Variants in OR6A2 observed in about 807,000 individuals in gnomAD.
OR6A2 encodes the protein olfactory receptor family 6 subfamily A member 2, also known as olfactory receptor 6A2.
In OR6A2, 6 loss-of-function variants were observed where a neutral mutation model predicts 7.1. The ratio of observed to expected loss-of-function variants is 0.85; its 90% CI spans 0.46 to 1.68. The LOEUF (loss-of-function observed/expected upper bound fraction) is 1.68. Ranked by LOEUF, OR6A2 falls within the 40% of genes most tolerant of loss-of-function variation. OR6A2 has a pLI of 0.01. For synonymous variants in OR6A2, 162 were observed against 152.1 expected (o/e 1.06, Z -0.48); for missense variants, 431 against 398.0 (o/e 1.08, Z -0.71).
Position 6,791,886 on chromosome 11 carries a change from C to T in OR6A2, c.*2839G>A, listed in dbSNP as rs775734699. On this transcript the variant is annotated 3_prime_UTR_variant, in exon 2 of 2. Coordinates refer to ENST00000641196, the MANE Select transcript of OR6A2 (RefSeq NM_003696.3). Reference sequence around the variant, plus strand: ...TTCTAATATATTCATCCTTCATTAGCATACATACTTGTCAAAATAAGAAAC... The same window carrying T: ...TTCTAATATATTCATCCTTCATTAGTATACATACTTGTCAAAATAAGAAAC... The T allele has an allele frequency of 9.2e-5, 14 of 152,188 alleles. No homozygotes were observed. Among genetic ancestry groups the T allele is most frequent in the Non-Finnish European group, 2.1e-4 (14 of 68,034 alleles). 9.4% of individuals were successfully genotyped at this position (152,188 alleles called of 1,614,324 possible). A position where few individuals can be genotyped will look rare whatever the true frequency, so the allele number is the denominator to read the frequency against.
intron 1 of OR6A2, among the ~76,000 whole-genome samples, chr11:6,796,368 A>C (rs1847749437): frequency 1.3e-5 from 2 of 152,180 alleles, no homozygotes; most frequent in African/African-American, 4.8e-5. Flanking sequence ...TGGAGCTTCC[A>C]AAATATTTAG....
intron 1 of OR6A2, 24 bp from the exon 2 acceptor site, chr11:6,795,908 A>AT: frequency 6.5e-5 from 34 of 520,644 alleles, no homozygotes; most frequent in South Asian, 6.1e-5. Context: ...ACAAAAATAA[A>AT]TGTTTTTTTT....
rs887410454 is a variant in OR6A2 at position 6,792,481 on chromosome 11, G to A, written c.*2244C>T. ...GTTGTTAGTTGCCTCTGGCCACTCTGAATAACCCGGGTAGATCCAGTACTC... is the reference window on the plus strand; with the variant it reads ...GTTGTTAGTTGCCTCTGGCCACTCTAAATAACCCGGGTAGATCCAGTACTC... On this transcript the variant is annotated 3_prime_UTR_variant, in exon 2 of 2. Transcript: ENST00000641196. The A allele has an allele frequency of 2.6e-5, 4 of 152,136 alleles. No homozygotes were observed. The highest frequency in any genetic ancestry group is 9.7e-5 in the African/African-American group (4 of 41,434). 9.4% of individuals were successfully genotyped at this position (152,136 alleles called of 1,614,324 possible).
intron 1 of OR6A2, 99 bp from the exon 2 acceptor site, chr11:6,795,983 T>G: frequency 3.0e-6 from 1 of 330,860 alleles, no homozygotes; most frequent in South Asian, 8.0e-5. Context: ...TGAGATGCAC[T>G]GGGGAAAAAT....
chr11:6,799,309 A>G (rs1847777922), intron 1 of OR6A2, among the ~76,000 whole-genome samples: 1 of 152,172 alleles, frequency 6.6e-6, no homozygotes, highest in Non-Finnish European at 1.5e-5. Context: ...AAAATACTGT[A>G]GGGAGAACAG....
intron 1 of OR6A2, among the ~76,000 whole-genome samples, chr11:6,797,113 G>C (rs1180337916): frequency 6.6e-6 from 1 of 152,144 alleles, no homozygotes; most frequent in Non-Finnish European, 1.5e-5. Flanking sequence ...TTGAGCCCTT[G>C]AATTTCTCTT....
Position 6,795,471 on chromosome 11 carries a change from G to A in OR6A2, c.238C>T (p.Pro80Ser). 1.9e-6 allele frequency: 3 copies of A among 1,614,160 alleles called. No individual in the cohort carries two copies. Among genetic ancestry groups the A allele is most frequent in the Non-Finnish European group, 2.5e-6 (3 of 1,180,002 alleles). Residue 80 changes from proline to serine, a missense_variant, in exon 2 of 2, where the codon CCC (proline) becomes TCC (serine). Pro to Ser is a moderately conservative substitution (Grantham distance 74). Transcript: ENST00000641196. ...CCAACAAAGCCAGCAAGCATCTTGG[G>A]AATAGTGACAGTGACATACCAGATC... is the stretch of plus-strand genomic sequence containing the variant. ...LEIWYVTVTI[P>S]KMLAGFVGSK...
chr11:6,795,019 C>G lies in OR6A2; in HGVS notation c.690G>C (p.Val230=). ...GTCCAGCAGCCGAAGGAATGTGCAT[C>G]ACAGCACCAGTAATGGCCACATAGG... The part of the protein sequence containing the change: ...GASYVAITGA[V]MHIPSAAGRY... The change falls in exon 2 of 2, where the codon GTG becomes GTC. Residue 230 remains valine (V), a synonymous_variant. Transcript: ENST00000641196. 3.1e-6 allele frequency: 5 copies of G among 1,614,122 alleles called. No individual in the cohort carries two copies. Among genetic ancestry groups the G allele is most frequent in the East Asian group, 2.2e-5 (1 of 44,884 alleles).
rs1847720878 is a variant in OR6A2 at position 6,794,307 on chromosome 11, T to C, written c.*418A>G. On this transcript the variant is annotated 3_prime_UTR_variant, in exon 2 of 2. Coordinates refer to ENST00000641196, the MANE Select transcript of OR6A2 (RefSeq NM_003696.3). ...CCATTATGTTTTGATAGGTGATATG[T>C]TCCCAAAACAAAAATTCCTAGTTTC... 1 of 168,108 alleles carries C rather than the reference T, an allele frequency of 5.9e-6. No homozygotes were observed. The highest frequency in any genetic ancestry group is 5.5e-5 in the Admixed American group (1 of 18,180). The allele number at this position is 168,108 out of a possible 1,614,324, so 10.4% of individuals were successfully genotyped here.
rs761490014 is a variant in OR6A2 at position 6,794,945 on chromosome 11, A to T, written c.764T>A (p.Ile255Asn). The T allele has an allele frequency of 1.9e-6, 3 of 1,614,026 alleles. No homozygotes were observed. Among genetic ancestry groups the T allele is most frequent in the East Asian group, 2.2e-5 (1 of 44,884 alleles). The stretch of plus-strand genomic sequence containing the variant: ...GATGAAGATACTGGCTGCATAGAAG[A>T]TTATCACAACAGTGAGATGAGAGGC... ...TCASHLTVVI[I>N]FYAASIFIYA... Residue 255 changes from isoleucine (I) to asparagine (N), a missense_variant, in exon 2 of 2, where the codon ATC becomes AAC. By Grantham distance (149) the Ile-to-Asn change is moderately radical (BLOSUM62 -3). Coordinates refer to ENST00000641196, the MANE Select transcript of OR6A2 (RefSeq NM_003696.3).
At position 6,795,286 on chromosome 11, in the gene OR6A2, G is replaced by C; in HGVS notation, c.423C>G (p.Val141=). 1 of 1,614,032 alleles carries C rather than the reference G, an allele frequency of 6.2e-7. No homozygotes were observed. The highest frequency in any genetic ancestry group is 8.5e-7 in the Non-Finnish European group (1 of 1,180,004). Reference sequence around the variant, plus strand: ...CCATCTGCACACACAGCCGGCCACTGACAATGACTGGGTAGTGGAGAGGAT... The same window carrying C: ...CCATCTGCACACACAGCCGGCCACTCACAATGACTGGGTAGTGGAGAGGAT... ...ICYPLHYPVI[V]SGRLCVQMAA... The change falls in exon 2 of 2, where the codon GTC becomes GTG. Residue 141 remains valine (V), a synonymous_variant. Transcript: ENST00000641196.
rs76708942 is a variant in OR6A2, at chr11:6,793,359, G to T, written c.*1366C>A. ...AATAAAGTTAGATCCCACATCTTGA[G>T]CAACAGTTGGATCCATATCTGGAGA... On this transcript the variant is annotated 3_prime_UTR_variant, in exon 2 of 2. Transcript: ENST00000641196. 2.3e-3 allele frequency: 344 copies of T among 152,274 alleles called. 2 individuals carry two copies. Among genetic ancestry groups the T allele is most frequent in the African/African-American group, 7.7e-3 (318 of 41,564 alleles). 9.4% of individuals were successfully genotyped at this position (152,274 alleles called of 1,614,324 possible).
At position 6,795,612 on chromosome 11, in the gene OR6A2, G is replaced by C. The variant is rs1230772513; in HGVS notation, c.97C>G (p.Leu33Val). 2 of 1,614,048 alleles carry C rather than the reference G, an allele frequency of 1.2e-6. No individual in the cohort carries two copies. The highest frequency in any genetic ancestry group is 2.2e-5 in the South Asian group (2 of 91,062). Residue 33 changes from leucine to valine, a missense_variant, in exon 2 of 2, where the codon CTG becomes GTG. Coordinates refer to ENST00000641196, the MANE Select transcript of OR6A2 (RefSeq NM_003696.3). Reference sequence around the variant, plus strand: ...GTCAGCACCAACACATAGGCCAGCAGCAAAAGGGCAAACAATAGTACCTGT... The same window carrying C: ...GTCAGCACCAACACATAGGCCAGCACCAAAAGGGCAAACAATAGTACCTGT... ...PLQVLLFALL[L>V]LAYVLVLTEN...
In OR6A2 at chr11:6,794,734, T is replaced by A. The variant is rs1443306300; in HGVS notation, c.975A>T (p.Arg325Ser). 3 of 1,613,696 alleles carry A rather than the reference T, an allele frequency of 1.9e-6. No homozygotes were observed. Among genetic ancestry groups the A allele is most frequent in the Non-Finnish European group, 2.5e-6 (3 of 1,179,754 alleles). The change falls in exon 2 of 2, where the codon AGA becomes AGT. Residue 325 changes from arginine to serine, a missense_variant. Physicochemically the swap from Arg to Ser is moderately radical, Grantham distance 110. Transcript: ENST00000641196. Reference sequence around the variant, plus strand: ...ATTTCACACATCCCTTCTATACATTTCTGCTAGCTTTCTTGGGGTCAGGAT... The same window carrying A: ...ATTTCACACATCCCTTCTATACATTACTGCTAGCTTTCTTGGGGTCAGGAT... ...HQDPDPKKAS[R>S]NV
rs763732115 is a variant in OR6A2 at position 6,794,885 on chromosome 11, G to T, written c.824C>A (p.Thr275Asn). 3 of 1,613,992 alleles carry T rather than the reference G, an allele frequency of 1.9e-6. No homozygotes were observed. In the African/African-American group the frequency reaches 4.0e-5, roughly 22 times the overall value. ...ATACAGTACAGAGACCAACTTGTTG[G>T]TGTCAAAAGCTGAGAGTGCCTTTGG... is the stretch of plus-strand genomic sequence containing the variant. Reference protein sequence around the residue: ...ARPKALSAFDTNKLVSVLYAV... With the variant: ...ARPKALSAFDNNKLVSVLYAV... The change falls in exon 2 of 2, where the codon ACC becomes AAC. Residue 275 changes from threonine to asparagine, a missense_variant. By Grantham distance (65) the Thr-to-Asn change is moderately conservative. Transcript: ENST00000641196.
In OR6A2 at chr11:6,795,000, C is replaced by T. The variant is rs749660305; in HGVS notation, c.709G>A (p.Ala237Thr). 1.9e-6 allele frequency: 3 copies of T among 1,614,094 alleles called. No homozygotes were observed. Among genetic ancestry groups the T allele is most frequent in the Non-Finnish European group, 8.5e-7 (1 of 1,180,002 alleles). The change falls in exon 2 of 2, where the codon GCT becomes ACT. Residue 237 changes from alanine (A) to threonine (T), a missense_variant. By Grantham distance (58) the Ala-to-Thr change is moderately conservative. Transcript: ENST00000641196. Reference sequence around the variant, plus strand: ...GTGGAAAAGGCCTTATAGCGTCCAGCAGCCGAAGGAATGTGCATCACAGCA... The same window carrying T: ...GTGGAAAAGGCCTTATAGCGTCCAGTAGCCGAAGGAATGTGCATCACAGCA... ...TGAVMHIPSA[A>T]GRYKAFSTCA...
In OR6A2 at chr11:6,793,765, C is replaced by A. The variant is rs541659079; in HGVS notation, c.*960G>T. 8 of 152,050 alleles carry A rather than the reference C, an allele frequency of 5.3e-5. No individual in the cohort carries two copies. The South Asian group carries it at 1.7e-3, about 32-fold the overall frequency. 9.4% of individuals were successfully genotyped at this position (152,050 alleles called of 1,614,324 possible). On this transcript the variant is annotated 3_prime_UTR_variant, in exon 2 of 2. Coordinates refer to ENST00000641196, the MANE Select transcript of OR6A2 (RefSeq NM_003696.3). Reference sequence around the variant, plus strand: ...TTATTTCAATTTCTGCATAGTTTTCCATGTAACATATGAGCTACAATTTAT... The same window carrying A: ...TTATTTCAATTTCTGCATAGTTTTCAATGTAACATATGAGCTACAATTTAT...
At position 6,795,860 on chromosome 11, in the gene OR6A2, C is replaced by T. The variant is rs923731811; in HGVS notation, c.-152G>A. On this transcript the variant is annotated 5_prime_UTR_variant, in exon 2 of 2. Coordinates refer to ENST00000641196, the MANE Select transcript of OR6A2 (RefSeq NM_003696.3). ...ATTAATCACTGAGCTGAGGCCACTG[C>T]TCTCTTCTTTAATCTGGAAATGAGC... 2 of 643,798 alleles carry T rather than the reference C, an allele frequency of 3.1e-6. No individual in the cohort carries two copies. Among genetic ancestry groups the T allele is most frequent in the South Asian group, 2.2e-5 (1 of 45,364 alleles). The allele number at this position is 643,798 out of a possible 1,614,324, so 39.9% of individuals were successfully genotyped here.
chr11:6,794,415 G>A lies in OR6A2; in HGVS notation c.*310C>T, dbSNP rs1847721743. 1 of 324,036 alleles carries A rather than the reference G, an allele frequency of 3.1e-6. No individual in the cohort carries two copies. Among genetic ancestry groups the A allele is most frequent in the Admixed American group, 4.4e-5 (1 of 22,850 alleles). The allele number at this position is 324,036 out of a possible 1,614,324, so 20.1% of individuals were successfully genotyped here. ...AATAGAGATCTTATCAAAAAGTCTT[G>A]TGTTGCTTTTCCGTAATGAAGCCTG... On this transcript the variant is annotated 3_prime_UTR_variant, in exon 2 of 2. Transcript: ENST00000641196.
Sources: gnomAD v4.1 joint callset for allele counts (sites outside exome capture counted in the v4.1 genomes callset) on GRCh38, gnomAD v4.1.1 for gene constraint, MANE v1.5 for transcripts, NCBI Gene and HGNC (gene_info 2026-07-23, HGNC 2026-07-21) for gene names.